The following TENM3 variants were observed in gnomAD, a reference collection of about 807,000 sequenced individuals.
TENM3 encodes teneurin-3.
In TENM3, 63 loss-of-function variants were observed where a neutral mutation model predicts 255.1. The ratio of observed to expected loss-of-function variants is 0.25; its 90% CI spans 0.20 to 0.30. The LOEUF (loss-of-function observed/expected upper bound fraction) is 0.30, where lower values mean the gene tolerates loss of function less well. Among genes scored for constraint, TENM3 ranks in the 10% least tolerant of loss-of-function variants. TENM3 has a pLI of 1.00. For synonymous variants in TENM3, 1,306 were observed against 1,322.3 expected, an observed-to-expected ratio of 0.99 and a Z score of 0.27; for missense variants, 2,929 against 3,461.1, an observed-to-expected ratio of 0.85 and a Z score of 3.86.
intron 3 of TENM3, among the ~76,000 whole-genome samples, chr4:182,437,900 C>T (rs958401177): frequency 1.4e-4 from 21 of 151,916 alleles, no homozygotes; most frequent in African/African-American, 4.1e-4. Context: ...TGCAGTGAGC[C>T]GAGATAGCAC....
At chr4:181,812,586 A>G in the TENM3 span, among the ~76,000 whole-genome samples, 2 of 152,150 alleles carry the variant, frequency 1.3e-5, no homozygotes, top group African/African-American at 4.8e-5. Flanking sequence ...CTTTCTGTGC[A>G]CTCTGAGTGC....
At chr4:181,860,090 A>G in the TENM3 span, among the ~76,000 whole-genome samples, 5 of 152,202 alleles carry the variant, frequency 3.3e-5, no homozygotes, top group South Asian at 2.1e-4. Context: ...GACTTTGCCC[A>G]TATCATCTTA....
the TENM3 span, among the ~76,000 whole-genome samples, chr4:182,137,340 C>T: frequency 9.7e-3 from 1,467 of 150,812 alleles, 20 homozygotes; most frequent in African/African-American, 0.034. Context: ...ACCTCCCCCC[C>T]CCCAAAAAGG....
chr4:181,845,001 T>G, the TENM3 span, among the ~76,000 whole-genome samples: 1 of 152,254 alleles, frequency 6.6e-6, no homozygotes, highest in Non-Finnish European at 1.5e-5. Context: ...TTTAAGCTAA[T>G]GTACTATTAT....
the TENM3 span, among the ~76,000 whole-genome samples, chr4:182,009,398 C>T: frequency 4.6e-5 from 7 of 151,832 alleles, no homozygotes; most frequent in Non-Finnish European, 8.8e-5. Flanking sequence ...CTGGGACATC[C>T]GAATTCTGTC....
chr4:181,843,673 CTTGGAA>C, the TENM3 span, among the ~76,000 whole-genome samples: 3 of 149,350 alleles, frequency 2.0e-5, no homozygotes, highest in African/African-American at 7.4e-5. Context: ...ATTCTGGAGG[CTTGGAA>C]ATTTGAGAGT....
At chr4:182,279,610 A>G (rs1197245597) in intron 1 of TENM3, among the ~76,000 whole-genome samples, 1 of 152,238 alleles carries the variant, frequency 6.6e-6, no homozygotes, top group African/African-American at 2.4e-5. Flanking sequence ...GGAGCAGGAA[A>G]TAAGGATGTA....
chr4:182,630,734 G>A, intron 5 of TENM3, among the ~76,000 whole-genome samples: 1 of 150,014 alleles, frequency 6.7e-6, no homozygotes, highest in Non-Finnish European at 1.5e-5. Context: ...TGTTTGTTGG[G>A]GATTTTATTT....
intron 1 of TENM3, among the ~76,000 whole-genome samples, chr4:182,224,850 C>A (rs988744553): frequency 2.6e-5 from 4 of 151,916 alleles, no homozygotes; most frequent in African/African-American, 7.2e-5. Flanking sequence ...AATTCTCCTG[C>A]CTCAGCCTCC....
chr4:182,161,910 CACATGT>C lies in TENM3; in HGVS notation c.-76+17158_-76+17163del, dbSNP rs1561154296. ...ACACATATATGTGTATATATACACA[CACATGT>C]ATGTGTATATATATACACATATATA... On this transcript the variant is annotated intron_variant, in intron 1 of 2. Coordinates refer to the TENM3 transcript ENST00000512480. Among the ~76,000 whole-genome samples, 7 of 30,970 alleles carry C rather than the reference CACATGT, an allele frequency of 2.3e-4. 1 individual carries two copies. Among genetic ancestry groups the C allele is most frequent in the Non-Finnish European group, 3.9e-4 (6 of 15,530 alleles). 20.3% of individuals were successfully genotyped at this position (30,970 alleles called of 152,430 possible). A position where few individuals can be genotyped will look rare whatever the true frequency, so the allele number is the denominator to read the frequency against.
At chr4:181,711,281 C>T in the TENM3 span, among the ~76,000 whole-genome samples, 4 of 152,194 alleles carry the variant, frequency 2.6e-5, no homozygotes, top group South Asian at 8.3e-4. Flanking sequence ...AAAATACCAT[C>T]ATTTGGTCAA....
At chr4:182,312,282 A>C (rs2150423325) in intron 1 of TENM3, among the ~76,000 whole-genome samples, 1 of 152,294 alleles carries the variant, frequency 6.6e-6, no homozygotes, top group East Asian at 1.9e-4. Flanking sequence ...GAATTGCTTG[A>C]GTCTGGAAGT....
At chr4:182,798,704 A>G (rs1766675399) in intron 27 of TENM3, among the ~76,000 whole-genome samples, 1 of 152,254 alleles carries the variant, frequency 6.6e-6, no homozygotes, top group African/African-American at 2.4e-5. Context: ...TGGACTTGCC[A>G]GCTCTTTTCC....
the TENM3 span, among the ~76,000 whole-genome samples, chr4:182,063,079 T>C: frequency 6.6e-6 from 1 of 152,216 alleles, no homozygotes; most frequent in East Asian, 1.9e-4. Flanking sequence ...TTAAGTAGTA[T>C]GAGTCACATG....
the TENM3 span, among the ~76,000 whole-genome samples, chr4:181,754,354 T>G: frequency 6.6e-6 from 1 of 150,520 alleles, no homozygotes; most frequent in Non-Finnish European, 1.5e-5. Flanking sequence ...CTTAAATTGC[T>G]TATAAAACAA....
chr4:182,670,091 G>C (rs1238804040), intron 6 of TENM3, among the ~76,000 whole-genome samples: 1 of 152,120 alleles, frequency 6.6e-6, no homozygotes, highest in Non-Finnish European at 1.5e-5. Context: ...TGTTTAGCTA[G>C]AAAGCAAAAT....
At chr4:181,576,600 C>T in the TENM3 span, among the ~76,000 whole-genome samples, 1 of 151,984 alleles carries the variant, frequency 6.6e-6, no homozygotes, top group Non-Finnish European at 1.5e-5. Context: ...AACTATGGTC[C>T]CCCCACACAT....
chr4:181,586,061 A>T, the TENM3 span, among the ~76,000 whole-genome samples: 1 of 152,340 alleles, frequency 6.6e-6, no homozygotes, highest in Admixed American at 6.5e-5. Flanking sequence ...TACCAAAAAA[A>T]CTTTAAAGTA....
the TENM3 span, among the ~76,000 whole-genome samples, chr4:181,582,369 T>A: frequency 6.6e-6 from 1 of 152,144 alleles, no homozygotes; most frequent in East Asian, 1.9e-4. Context: ...GTCTCTGGAA[T>A]GAATCTGAAT....
Sources: allele counts gnomAD v4.1 joint callset (sites outside exome capture counted in the v4.1 genomes callset), GRCh38; gene constraint gnomAD v4.1.1; transcripts MANE v1.5; gene names NCBI Gene and HGNC (gene_info 2026-07-23, HGNC 2026-07-21).